The following ADAMTS19 variants were observed in gnomAD, a reference collection of about 807,000 sequenced individuals.
ADAMTS19 encodes the protein ADAM metallopeptidase with thrombospondin type 1 motif 19.
ADAMTS19 carries 93 observed loss-of-function variants against 153.3 expected under a neutral mutation model. The ratio of observed to expected loss-of-function variants is 0.61; its 90% CI spans 0.51 to 0.72. The LOEUF (loss-of-function observed/expected upper bound fraction) is 0.72, where lower values mean the gene tolerates loss of function less well. Among genes scored for constraint, ADAMTS19 ranks in the 30% least tolerant of loss-of-function variants. The pLI, the probability that ADAMTS19 is intolerant of heterozygous loss-of-function variation, is 0.00. For missense variants in ADAMTS19, 1,482 were observed against 1,552.1 expected, an observed-to-expected ratio of 0.95 and a Z score of 0.76; for synonymous variants, 600 against 556.6, an observed-to-expected ratio of 1.08 and a Z score of -1.10.
intron 21 of ADAMTS19, 32 bp from the exon 22 acceptor site, chr5:129,734,900 A>C: frequency 6.8e-7 from 1 of 1,479,520 alleles, no homozygotes; most frequent in Non-Finnish European, 9.0e-7. Context: ...AAAAATAAAA[A>C]AGAACCTAAA....
chr5:129,461,217 G>T lies in ADAMTS19; in HGVS notation c.207G>T (p.Val69=), dbSNP rs1456189929. The change falls in exon 2 of 23, where the codon GTG becomes GTT. Residue 69 remains valine (V), a synonymous_variant. Transcript: ENST00000274487. This position sits in a 1 kb window ranked among gnomAD's most constrained non-coding sequence, Gnocchi z 4.6. ...GSGGSADPGW[V]RGVGGGGSAR... is the part of the protein sequence containing the mutation. ...GGGGCAGCGCGGACCCGGGCTGGGTGCGCGGCGTTGGGGGCGGCGGAAGCG... is the reference window on the plus strand; with the variant it reads ...GGGGCAGCGCGGACCCGGGCTGGGTTCGCGGCGTTGGGGGCGGCGGAAGCG... 2 of 1,281,496 alleles carry T rather than the reference G, an allele frequency of 1.6e-6. No homozygotes were observed. The highest frequency in any genetic ancestry group is 2.0e-6 in the Non-Finnish European group (2 of 1,020,642). The allele number at this position is 1,281,496 out of a possible 1,614,324, so 79.4% of individuals were successfully genotyped here.
chr5:129,621,523 G>A, intron 9 of ADAMTS19, among the ~76,000 whole-genome samples: 1 of 152,244 alleles, frequency 6.6e-6, no homozygotes, highest in African/African-American at 2.4e-5. Context: ...ATGGCTATAT[G>A]TACAATATAT....
chr5:129,708,967 C>T (rs1756310925), intron 21 of ADAMTS19, among the ~76,000 whole-genome samples: 1 of 151,990 alleles, frequency 6.6e-6, no homozygotes, highest in Non-Finnish European at 1.5e-5. Context: ...AGTTATACAG[C>T]CCAGCCAGTT....
chr5:129,658,470 C>A (rs1753687450), intron 14 of ADAMTS19, 147 bp from the exon 15 acceptor site: 4 of 776,914 alleles, frequency 5.1e-6, no homozygotes, highest in African/African-American at 1.8e-5. Context: ...TTAGCTTGCA[C>A]CAGAGAATGA....
chr5:129,677,808 C>T (rs1754615015), intron 16 of ADAMTS19, among the ~76,000 whole-genome samples: 1 of 152,004 alleles, frequency 6.6e-6, no homozygotes, highest in Admixed American at 6.6e-5. Flanking sequence ...TACTTTAAAG[C>T]TTTACTTTCC....
intron 3 of ADAMTS19, among the ~76,000 whole-genome samples, chr5:129,521,086 C>A (rs547319510): frequency 6.6e-6 from 1 of 152,054 alleles, no homozygotes; most frequent in Non-Finnish European, 1.5e-5. Context: ...GATTTTCATG[C>A]GGGCTGTGGC....
At chr5:129,713,287 C>T (rs952670811) in intron 21 of ADAMTS19, among the ~76,000 whole-genome samples, 4 of 152,104 alleles carry the variant, frequency 2.6e-5, no homozygotes, top group African/African-American at 7.2e-5. Context: ...GTAGTCTTAA[C>T]ATTGAGTGTA....
At chr5:129,682,991 A>T (rs1754891860) in intron 17 of ADAMTS19, among the ~76,000 whole-genome samples, 1 of 152,120 alleles carries the variant, frequency 6.6e-6, no homozygotes, top group African/African-American at 2.4e-5. Flanking sequence ...ATTACCTATC[A>T]TTACGACTAC....
At chr5:129,626,535 G>A (rs1235465120) in intron 10 of ADAMTS19, among the ~76,000 whole-genome samples, 1 of 152,004 alleles carries the variant, frequency 6.6e-6, no homozygotes, top group African/African-American at 2.4e-5. Flanking sequence ...TTAGGTTTAA[G>A]GTTTCCAGAA....
chr5:129,589,830 G>A (rs1750011043), intron 7 of ADAMTS19, among the ~76,000 whole-genome samples: 1 of 152,060 alleles, frequency 6.6e-6, no homozygotes, highest in African/African-American at 2.4e-5. Context: ...CTTCATGCTT[G>A]CTGAGGTGAT....
intron 14 of ADAMTS19, among the ~76,000 whole-genome samples, chr5:129,657,678 T>C (rs970211022): frequency 2.0e-5 from 3 of 152,200 alleles, no homozygotes; most frequent in African/African-American, 7.2e-5. Context: ...CTTACTCACA[T>C]TCATGTGCTA....
chr5:129,615,632 ACT>A lies in ADAMTS19; in HGVS notation c.1479-4984_1479-4983del, dbSNP rs1751485042. On this transcript the variant is annotated intron_variant, in intron 8 of 22. Transcript: ENST00000274487. ...GAAACTAGCTTTTTTATATTAATAC[ACT>A]CATAAGAACTAGCACCATTAAAGCA... Among the ~76,000 whole-genome samples, 4 of 152,092 alleles carry A rather than the reference ACT, an allele frequency of 2.6e-5. No homozygotes were observed. The East Asian group carries it at 7.7e-4, about 29-fold the overall frequency.
Position 129,599,169 on chromosome 5 carries a change from C to A in ADAMTS19, c.1478+2505C>A, listed in dbSNP as rs1468817166. Among the ~76,000 whole-genome samples, 3 of 151,604 alleles carry A rather than the reference C, an allele frequency of 2.0e-5. No individual in the cohort carries two copies. In the East Asian group the frequency reaches 5.8e-4, roughly 29 times the overall value. Reference sequence around the variant, plus strand: ...AGTGCAATAACCTTGTTTAATATTTCATTCTAGGAATGATAGGCTATAGAT... The same window carrying A: ...AGTGCAATAACCTTGTTTAATATTTAATTCTAGGAATGATAGGCTATAGAT... On this transcript the variant is annotated intron_variant, in intron 8 of 22. Transcript: ENST00000274487.
chr5:129,582,929 T>C (rs1749595265), intron 7 of ADAMTS19, among the ~76,000 whole-genome samples: 1 of 152,180 alleles, frequency 6.6e-6, no homozygotes, highest in Non-Finnish European at 1.5e-5. Flanking sequence ...AGTATTGTTA[T>C]GTGTAAATTT....
chr5:129,528,624 A>G lies in ADAMTS19; in HGVS notation c.1275A>G (p.Ser425=). 6.2e-7 allele frequency: 1 copy of G among 1,605,984 alleles called. No individual in the cohort carries two copies. The highest frequency in any genetic ancestry group is 8.5e-7 in the Non-Finnish European group (1 of 1,176,800). ...GKKNDIHLEM[S]TNWGEDMTSV... ...AGAATGATATACATTTAGAGATGTCAACAAACTGGGGGGAAGACATGACTT... is the reference window on the plus strand; with the variant it reads ...AGAATGATATACATTTAGAGATGTCGACAAACTGGGGGGAAGACATGACTT... Residue 425 remains serine, a synonymous_variant, in exon 6 of 23, where the codon TCA becomes TCG. Coordinates refer to ENST00000274487, the MANE Select transcript of ADAMTS19 (RefSeq NM_133638.6).
intron 7 of ADAMTS19, among the ~76,000 whole-genome samples, chr5:129,582,819 C>T (rs1749588198): frequency 6.6e-6 from 1 of 151,782 alleles, no homozygotes; most frequent in South Asian, 2.1e-4. Context: ...GATCTGCCTG[C>T]CTCAGCCTCC....
chr5:129,547,640 C>T (rs1003430225), intron 6 of ADAMTS19, among the ~76,000 whole-genome samples: 3 of 150,562 alleles, frequency 2.0e-5, no homozygotes, highest in Non-Finnish European at 4.4e-5. Context: ...CATCAAGCTA[C>T]CAATGACTTT....
intron 8 of ADAMTS19, among the ~76,000 whole-genome samples, chr5:129,599,053 C>G (rs189098628): frequency 4.6e-5 from 7 of 150,948 alleles, no homozygotes; most frequent in Admixed American, 4.6e-4. Flanking sequence ...AGTCTTCAGT[C>G]AACTGACCAA....
intron 21 of ADAMTS19, among the ~76,000 whole-genome samples, chr5:129,705,310 T>G (rs1364653331): frequency 6.6e-6 from 1 of 152,262 alleles, no homozygotes; most frequent in Middle Eastern, 3.4e-3. Context: ...TAATAGTTTT[T>G]CATAAATAAC....
Sources: allele counts gnomAD v4.1 joint callset (sites outside exome capture counted in the v4.1 genomes callset), GRCh38; gene constraint gnomAD v4.1.1; non-coding constraint Gnocchi (gnomAD v3.1); transcripts MANE v1.5; gene names NCBI Gene and HGNC (gene_info 2026-07-23, HGNC 2026-07-21).